FIP1L1: variants seen among roughly 807,000 people sequenced by gnomAD.
FIP1L1 encodes pre-mRNA 3'-end-processing factor FIP1.
A neutral mutation model predicts 84.6 loss-of-function variants in FIP1L1; 21 were observed. The ratio of observed to expected loss-of-function variants is 0.25; its 90% CI spans 0.18 to 0.36. FIP1L1 has a LOEUF of 0.36. Among genes scored for constraint, FIP1L1 ranks in the 10% least tolerant of loss-of-function variants. FIP1L1 has a pLI of 1.00. For missense variants in FIP1L1, 526 were observed against 751.1 expected (o/e 0.70, Z 3.50); for synonymous variants, 263 against 242.3 (o/e 1.09, Z -0.80).
chr4:53,390,947 T>C (rs1578203776), intron 7 of FIP1L1, 62 bp from the exon 8 acceptor site: 1 of 1,364,708 alleles, frequency 7.3e-7, no homozygotes, highest in African/African-American at 1.5e-5. Context: ...TTAGTATATT[T>C]TTGATGCTGC....
In FIP1L1 at chr4:53,378,268, G is replaced by C. The variant is rs115775691; in HGVS notation, c.85+345G>C. ...GTTTTTTTCTGTCGATTCTGAGGTG[G>C]TGGTTTTTGGTGTCTGTTTTTGCCC... On this transcript the variant is annotated intron_variant, in intron 1 of 17. Transcript: ENST00000337488. 6.2e-3 allele frequency: 1,529 copies of C among 246,554 alleles called. 27 individuals carry two copies. The highest frequency in any genetic ancestry group is 0.031 in the African/African-American group (1,414 of 45,076). The allele number at this position is 246,554 out of a possible 1,614,324, so 15.3% of individuals were successfully genotyped here.
intron 9 of FIP1L1, among the ~76,000 whole-genome samples, chr4:53,398,671 T>G (rs915537368): frequency 1.3e-5 from 2 of 152,144 alleles, no homozygotes; most frequent in African/African-American, 4.8e-5. Context: ...TTGTTTAAAT[T>G]GAATAGTTTG....
chr4:53,386,905 G>A (rs1183827324), intron 5 of FIP1L1, among the ~76,000 whole-genome samples: 2 of 152,162 alleles, frequency 1.3e-5, no homozygotes, highest in African/African-American at 4.8e-5. Context: ...TGGAAAAGAG[G>A]GGTGATAAAG....
intron 9 of FIP1L1, among the ~76,000 whole-genome samples, chr4:53,396,685 T>A (rs1560502822): frequency 2.0e-5 from 3 of 152,232 alleles, no homozygotes; most frequent in Non-Finnish European, 4.4e-5. Context: ...ATTACAGGCT[T>A]GAGCCACCAC....
intron 13 of FIP1L1, among the ~76,000 whole-genome samples, chr4:53,434,689 A>G (rs1347421015): frequency 2.0e-5 from 3 of 152,096 alleles, no homozygotes; most frequent in Non-Finnish European, 4.4e-5. Context: ...GCTGGTCTTG[A>G]ACTCCTGACC....
chr4:53,412,427 C>T (rs566044628), intron 10 of FIP1L1, among the ~76,000 whole-genome samples: 6 of 152,190 alleles, frequency 3.9e-5, no homozygotes, highest in South Asian at 2.1e-4. Flanking sequence ...TCCAGTGTCA[C>T]GCGTTAAATT....
intron 16 of FIP1L1, among the ~76,000 whole-genome samples, chr4:53,454,774 C>T (rs1335012867): frequency 6.6e-6 from 1 of 152,230 alleles, no homozygotes; most frequent in African/African-American, 2.4e-5. Flanking sequence ...CATTAGGAAA[C>T]AAGAGAGTGA....
intron 6 of FIP1L1, 52 bp from the exon 7 acceptor site, chr4:53,390,469 C>G (rs867597145): frequency 9.2e-7 from 1 of 1,092,678 alleles, no homozygotes; most frequent in African/African-American, 1.6e-5. Context: ...TCTATGGTAT[C>G]GCCTGGCTTC....
rs774604036 is a variant in FIP1L1 at position 53,391,091 on chromosome 4, A to G, written c.588A>G (p.Arg196=). Residue 196 remains arginine, a synonymous_variant, in exon 8 of 18, where the codon CGA becomes CGG. Transcript: ENST00000337488. ...KAYCEKQKRI[R]MGLEVIPVTS... ...ACTGTGAAAAACAAAAGAGGATACGAATGGGACTTGAAGTTATACCAGTAA... is the reference window on the plus strand; with the variant it reads ...ACTGTGAAAAACAAAAGAGGATACGGATGGGACTTGAAGTTATACCAGTAA... 1.2e-6 allele frequency: 2 copies of G among 1,611,916 alleles called. No individual in the cohort carries two copies. The highest frequency in any genetic ancestry group is 3.4e-5 in the Admixed American group (2 of 59,628).
intron 3 of FIP1L1, among the ~76,000 whole-genome samples, chr4:53,381,142 A>G (rs1427339503): frequency 1.3e-5 from 2 of 152,196 alleles, no homozygotes; most frequent in African/African-American, 2.4e-5. Flanking sequence ...ATTTTTCTAG[A>G]AAAAGCTTAA....
intron 15 of FIP1L1, among the ~76,000 whole-genome samples, chr4:53,450,823 A>C (rs1715405475): frequency 6.6e-6 from 1 of 152,200 alleles, no homozygotes; most frequent in African/African-American, 2.4e-5. Context: ...CTAAAACTTA[A>C]GGTGATGTTG....
chr4:53,454,370 C>T (rs565440439), intron 16 of FIP1L1, among the ~76,000 whole-genome samples: 52 of 152,282 alleles, frequency 3.4e-4, no homozygotes, highest in Admixed American at 3.3e-4. Flanking sequence ...GTGGTGTTTG[C>T]ACAACAATGA....
chr4:53,420,075 G>A (rs1366973601), intron 11 of FIP1L1, among the ~76,000 whole-genome samples: 2 of 151,852 alleles, frequency 1.3e-5, no homozygotes, highest in East Asian at 3.9e-4. Flanking sequence ...GCGAGCGCCT[G>A]TAGTCCCAGC....
chr4:53,406,347 C>T (rs960266765), intron 10 of FIP1L1, among the ~76,000 whole-genome samples: 7 of 152,276 alleles, frequency 4.6e-5, no homozygotes, highest in African/African-American at 1.4e-4. Flanking sequence ...CCTTGCATCC[C>T]AGGGATGAAG....
chr4:53,399,508 T>C (rs1347921496), intron 9 of FIP1L1, among the ~76,000 whole-genome samples: 1 of 152,248 alleles, frequency 6.6e-6, no homozygotes, highest in African/African-American at 2.4e-5. Context: ...GTGTTATTAA[T>C]GTGAACTTTT....
chr4:53,447,405 C>T (rs1175537220), intron 15 of FIP1L1, among the ~76,000 whole-genome samples: 3 of 152,044 alleles, frequency 2.0e-5, no homozygotes, highest in African/African-American at 4.8e-5. Context: ...AATATTAGTG[C>T]GTCTTTCTAA....
rs574883424 is a variant in FIP1L1 at position 53,455,180 on chromosome 4, A to G, written c.1499+2047A>G. 2.9e-4 allele frequency among the ~76,000 whole-genome samples: 44 copies of G among 152,146 alleles called. 1 individual carries two copies. The highest frequency in any genetic ancestry group is 5.2e-4 in the Admixed American group (8 of 15,266). On this transcript the variant is annotated intron_variant, in intron 16 of 17. Coordinates refer to ENST00000337488, the MANE Select transcript of FIP1L1 (RefSeq NM_030917.4). ...GGCTGGTTTGTTCTTCTATCCAGAC[A>G]CTAAAACTTTCTCCATATCAGCAAT...
intron 11 of FIP1L1, among the ~76,000 whole-genome samples, chr4:53,420,653 T>C (rs1398250411): frequency 6.6e-6 from 1 of 152,150 alleles, no homozygotes; most frequent in Non-Finnish European, 1.5e-5. Context: ...TATATTTTCT[T>C]TATAAATTGT....
chr4:53,445,331 TAAG>T (rs913377933), intron 15 of FIP1L1, among the ~76,000 whole-genome samples: 1 of 152,158 alleles, frequency 6.6e-6, no homozygotes, highest in Non-Finnish European at 1.5e-5. Context: ...GGAACAGCAA[TAAG>T]AAGTTGTGGA....
Sources: allele counts gnomAD v4.1 joint callset (sites outside exome capture counted in the v4.1 genomes callset), GRCh38; gene constraint gnomAD v4.1.1; transcripts MANE v1.5; gene names NCBI Gene and HGNC (gene_info 2026-07-23, HGNC 2026-07-21).